SH3D19: variants seen among roughly 807,000 people sequenced by gnomAD.
SH3D19 encodes the protein SH3 domain containing 19.
In SH3D19, 58 loss-of-function variants were observed where a neutral mutation model predicts 112.1. That is an observed-to-expected ratio of 0.52 (90% confidence interval 0.42 to 0.64). The LOEUF is 0.64. Among genes scored for constraint, SH3D19 ranks in the 30% least tolerant of loss-of-function variants. SH3D19 has a pLI of 0.00. For missense variants in SH3D19, 1,090 were observed against 1,263.4 expected, an observed-to-expected ratio of 0.86 and a Z score of 2.08; for synonymous variants, 391 against 448.5, an observed-to-expected ratio of 0.87 and a Z score of 1.62.
At chr4:151,285,621 T>C (rs1413315959) in intron 1 of SH3D19, among the ~76,000 whole-genome samples, 2 of 152,112 alleles carry the variant, frequency 1.3e-5, no homozygotes, top group Non-Finnish European at 2.9e-5. Context: ...ATATCTCAAA[T>C]CAGTAACCTA....
chr4:151,262,929 C>T (rs1470618125), intron 1 of SH3D19: 1 of 152,242 alleles, frequency 6.6e-6, no homozygotes, highest in Non-Finnish European at 1.5e-5. Context: ...TATTATGCTT[C>T]TGCCTCTGAT....
At position 151,279,343 on chromosome 4, in the gene SH3D19, C is replaced by A. The variant is rs370604538; in HGVS notation, c.112+45898G>T. 2.6e-5 allele frequency among the ~76,000 whole-genome samples: 4 copies of A among 152,078 alleles called. No homozygotes were observed. The East Asian group carries it at 7.7e-4, about 29-fold the overall frequency. On this transcript the variant is annotated intron_variant, in intron 1 of 19. Coordinates refer to ENST00000604030, the MANE Select transcript of SH3D19 (RefSeq NM_001378122.1). ...AGGATTACAGGCATGAGCCACTATC[C>A]CTGGTTTAAAAAAAAAATTTTAAGT...
At chr4:151,257,924 A>G (rs1465656538) in intron 1 of SH3D19, among the ~76,000 whole-genome samples, 3 of 152,170 alleles carry the variant, frequency 2.0e-5, no homozygotes, top group African/African-American at 7.2e-5. Context: ...TAAAAAAAGC[A>G]ACCAACAAAG....
At position 151,282,332 on chromosome 4, in the gene SH3D19, T is replaced by C. The variant is rs368123924; in HGVS notation, c.112+42909A>G. The C allele has an allele frequency of 5.1e-5, 83 of 1,613,938 alleles. No individual in the cohort carries two copies. The highest frequency in any genetic ancestry group is 6.8e-5 in the Non-Finnish European group (80 of 1,179,864). ...CTTCACTTCTGCCATCCTGCCTATT[T>C]GCTTGCCCAGTGTCACAAAGCAGTT... On this transcript the variant is annotated intron_variant, in intron 1 of 19. Transcript: ENST00000604030.
In SH3D19 at chr4:151,225,358, CTATG is replaced by C. The variant is rs2149947081; in HGVS notation, c.152+685_152+688del. 1.3e-5 allele frequency among the ~76,000 whole-genome samples: 2 copies of C among 152,106 alleles called. 1 individual carries two copies. The highest frequency in any genetic ancestry group is 2.9e-5 in the Non-Finnish European group (2 of 68,002). On this transcript the variant is annotated intron_variant, in intron 2 of 19. Coordinates refer to ENST00000604030, the MANE Select transcript of SH3D19 (RefSeq NM_001378122.1). Reference sequence around the variant, plus strand: ...ATTAAATATAGCCTGTCAGTCCTGCCTATGAGAAGTCAGACAATTTTTCACCTAT... The same window carrying C: ...ATTAAATATAGCCTGTCAGTCCTGCCAGAAGTCAGACAATTTTTCACCTAT...
Position 151,268,230 on chromosome 4 carries a change from T to C in SH3D19, c.113-42144A>G, listed in dbSNP as rs181621022. Among the ~76,000 whole-genome samples the C allele has an allele frequency of 2.6e-4, 39 of 152,268 alleles. No individual in the cohort carries two copies. The East Asian group carries it at 7.5e-3, about 29-fold the overall frequency. ...ACACAATGGGACGTATTTATGTATC[T>C]AAACATAGAAAAGGTACAGTAAAAA... On this transcript the variant is annotated intron_variant, in intron 1 of 19. Coordinates refer to ENST00000604030, the MANE Select transcript of SH3D19 (RefSeq NM_001378122.1).
At chr4:151,291,118 G>A (rs758937723) in intron 1 of SH3D19, 5 of 1,606,322 alleles carry the variant, frequency 3.1e-6, no homozygotes, top group African/African-American at 1.3e-5. Flanking sequence ...TCTTCCTTAG[G>A]GTGATTCTGG....
intron 2 of SH3D19, among the ~76,000 whole-genome samples, chr4:151,206,306 G>GT (rs928583657): frequency 1.1e-3 from 168 of 151,946 alleles, no homozygotes; most frequent in African/African-American, 3.9e-3. Context: ...ATTAAAGAAG[G>GT]TTTTTTTTGT....
In SH3D19 at chr4:151,150,206, A is replaced by AAAT. The variant is rs1273707426; in HGVS notation, c.1756-646_1756-645insATT. Among the ~76,000 whole-genome samples the AAAT allele has an allele frequency of 5.9e-3, 274 of 46,112 alleles. 9 individuals are homozygous for AAAT. The highest frequency in any genetic ancestry group is 6.9e-3 in the Non-Finnish European group (164 of 23,626). The allele number at this position is 46,112 out of a possible 152,430, so 30.3% of individuals were successfully genotyped here. ...TCTCAAAAAAAAAAAAAAAAAAAAA[A>AAAT]ATATATATATATATATATATATACA... On this transcript the variant is annotated intron_variant, in intron 9 of 19. Coordinates refer to ENST00000604030, the MANE Select transcript of SH3D19 (RefSeq NM_001378122.1).
At chr4:151,156,056 A>G (rs1223453951) in intron 9 of SH3D19, among the ~76,000 whole-genome samples, 7 of 152,186 alleles carry the variant, frequency 4.6e-5, no homozygotes, top group Admixed American at 4.6e-4. Context: ...GAAATTGAGA[A>G]GGCAATCCTA....
At chr4:151,135,595 T>A (rs1751666725) in intron 14 of SH3D19, among the ~76,000 whole-genome samples, 1 of 151,766 alleles carries the variant, frequency 6.6e-6, no homozygotes, top group African/African-American at 2.4e-5. Flanking sequence ...ACCCGGCAAA[T>A]TTTTGTATTT....
chr4:151,170,097 T>C (rs753588048), intron 7 of SH3D19, among the ~76,000 whole-genome samples: 5 of 152,228 alleles, frequency 3.3e-5, no homozygotes, highest in Non-Finnish European at 5.9e-5. Context: ...TAAAAATTTC[T>C]GGAAAAAGTC....
At chr4:151,283,036 G>T (rs1774399669) in intron 1 of SH3D19, 6 of 1,282,886 alleles carry the variant, frequency 4.7e-6, no homozygotes, top group Non-Finnish European at 6.5e-6. Context: ...CCCATTCAGA[G>T]ACTTCTGCAC....
intron 10 of SH3D19, among the ~76,000 whole-genome samples, chr4:151,149,164 C>T (rs964023613): frequency 9.9e-5 from 15 of 152,174 alleles, no homozygotes; most frequent in Admixed American, 6.5e-4. Flanking sequence ...CAGTCTCCTT[C>T]GGAAATGCCA....
chr4:151,204,945 C>T (rs193181099), intron 2 of SH3D19, among the ~76,000 whole-genome samples: 2 of 152,036 alleles, frequency 1.3e-5, no homozygotes, highest in Non-Finnish European at 2.9e-5. Context: ...CTCAGTCTCT[C>T]GAGTAGCCGG....
Position 151,291,374 on chromosome 4 carries a change from T to C in SH3D19, c.112+33867A>G, listed in dbSNP as rs370676093. 17 of 1,613,858 alleles carry C rather than the reference T, an allele frequency of 1.1e-5. No individual in the cohort carries two copies. The East Asian group carries it at 2.5e-4, about 23-fold the overall frequency. On this transcript the variant is annotated intron_variant, in intron 1 of 19. Transcript: ENST00000604030. The stretch of plus-strand genomic sequence containing the variant: ...TTTGGACCTAACACTATACACAGAG[T>C]AGGCACTGTAGCTGAAGCTGTTGCT...
intron 2 of SH3D19, among the ~76,000 whole-genome samples, chr4:151,199,953 A>T (rs1270086480): frequency 6.6e-6 from 1 of 152,196 alleles, no homozygotes; most frequent in Non-Finnish European, 1.5e-5. Context: ...GGAAGTGATT[A>T]GGTCATAAGG....
intron 1 of SH3D19, among the ~76,000 whole-genome samples, chr4:151,293,208 C>T (rs1056681083): frequency 2.0e-4 from 30 of 151,992 alleles, no homozygotes; most frequent in Non-Finnish European, 8.8e-5. Context: ...TGGTGGCTCA[C>T]GCCTGTAATC....
chr4:151,234,998 C>A (rs1769928182), intron 1 of SH3D19, among the ~76,000 whole-genome samples: 1 of 152,120 alleles, frequency 6.6e-6, no homozygotes, highest in South Asian at 2.1e-4. Context: ...GATCCTCCTA[C>A]CTCAGCCTCC....
Sources: allele counts gnomAD v4.1 joint callset (sites outside exome capture counted in the v4.1 genomes callset), GRCh38; gene constraint gnomAD v4.1.1; transcripts MANE v1.5; gene names NCBI Gene and HGNC (gene_info 2026-07-23, HGNC 2026-07-21).